ST8SIA4: variants seen among roughly 807,000 people sequenced by gnomAD.
The protein encoded by ST8SIA4 is CMP-N-acetylneuraminate-poly-alpha-2,8-sialyltransferase.
Under a neutral mutation model 33.9 loss-of-function variants are expected in ST8SIA4, and 15 were observed. The ratio of observed to expected loss-of-function variants is 0.44; its 90% CI spans 0.30 to 0.68. ST8SIA4 has a LOEUF of 0.68. Ranked by LOEUF, ST8SIA4 falls within the 30% of genes least tolerant of loss-of-function variation. The pLI is 0.10. For synonymous variants in ST8SIA4, 171 were observed against 151.2 expected (o/e 1.13, Z -0.96); for missense variants, 321 against 428.0 (o/e 0.75, Z 2.21).
intron 4 of ST8SIA4, among the ~76,000 whole-genome samples, chr5:100,819,945 T>G (rs1391940323): frequency 6.6e-6 from 1 of 152,202 alleles, no homozygotes; most frequent in Non-Finnish European, 1.5e-5. Context: ...AATTTATTCT[T>G]GCTGGTATTT....
At position 100,807,423 on chromosome 5, in the gene ST8SIA4, T is replaced by C. The variant is rs952241912; in HGVS notation, c.*4424A>G. ...TGTAAACTCTTTTTTTTTCCTGCTA[T>C]TTACATTTGAAACACTTGTGCTTTT... On this transcript the variant is annotated 3_prime_UTR_variant, in exon 5 of 5. Coordinates refer to ENST00000231461, the MANE Select transcript of ST8SIA4 (RefSeq NM_005668.6). The C allele has an allele frequency of 2.0e-4, 31 of 152,634 alleles. No homozygotes were observed. Among genetic ancestry groups the C allele is most frequent in the Middle Eastern group, 3.4e-3 (1 of 294 alleles). The allele number at this position is 152,634 out of a possible 1,614,324, so 9.5% of individuals were successfully genotyped here.
chr5:100,871,408 G>C (rs1282629318), intron 3 of ST8SIA4, among the ~76,000 whole-genome samples: 1 of 151,828 alleles, frequency 6.6e-6, no homozygotes, highest in Non-Finnish European at 1.5e-5. Flanking sequence ...TATTACCTTA[G>C]TTTTCTGAAG....
rs773074391 is a variant in ST8SIA4, at chr5:100,852,114, C to CTTTTTTTT, written c.797+3981_797+3988dup. On this transcript the variant is annotated intron_variant, in intron 4 of 4. Coordinates refer to ENST00000231461, the MANE Select transcript of ST8SIA4 (RefSeq NM_005668.6). ...TTACTATCTTATTTGCTCCACTCTTCTTTTTTTTTTTTTTTTTTTTTTTTG... is the reference window on the plus strand; with the variant it reads ...TTACTATCTTATTTGCTCCACTCTTCTTTTTTTTTTTTTTTTTTTTTTTTTTTTTTTTG... Among the ~76,000 whole-genome samples, 53 of 83,478 alleles carry CTTTTTTTT rather than the reference C, an allele frequency of 6.3e-4. 1 individual carries two copies. Among genetic ancestry groups the CTTTTTTTT allele is most frequent in the East Asian group, 1.2e-3 (3 of 2,586 alleles). The allele number at this position is 83,478 out of a possible 152,430, so 54.8% of individuals were successfully genotyped here.
In ST8SIA4 at chr5:100,812,082, A is replaced by T; in HGVS notation, c.845T>A (p.Leu282His). The change falls in exon 5 of 5, where the codon CTT becomes CAT. Residue 282 changes from leucine to histidine, a missense_variant. Physicochemically the swap from Leu to His is moderately conservative, Grantham distance 99. Coordinates refer to ENST00000231461, the MANE Select transcript of ST8SIA4 (RefSeq NM_005668.6). ...TCTTGTGGCAAGTGTATACATGAGA[A>T]GACCTGTGCTGGGTCTTTTGATAGG... ...KVPIKRPSTGLLMYTLATRFC... is the reference protein window; with the variant it reads ...KVPIKRPSTGHLMYTLATRFC... The T allele has an allele frequency of 6.2e-7, 1 of 1,614,134 alleles. No homozygotes were observed. Among genetic ancestry groups the T allele is most frequent in the Non-Finnish European group, 8.5e-7 (1 of 1,179,992 alleles).
Position 100,810,033 on chromosome 5 carries a change from T to C in ST8SIA4, c.*1814A>G, listed in dbSNP as rs1750783424. 6.6e-6 allele frequency: 1 copy of C among 152,144 alleles called. No homozygotes were observed. Among genetic ancestry groups the C allele is most frequent in the African/African-American group, 2.4e-5 (1 of 41,416 alleles). 9.4% of individuals were successfully genotyped at this position (152,144 alleles called of 1,614,324 possible). A position where few individuals can be genotyped will look rare whatever the true frequency, so the allele number is the denominator to read the frequency against. ...TGTTTTCCCTAAGAAACAAAACATA[T>C]ATATTCCCCATGCCATTTCTTCTTT... On this transcript the variant is annotated 3_prime_UTR_variant, in exon 5 of 5. Transcript: ENST00000231461.
intron 2 of ST8SIA4, among the ~76,000 whole-genome samples, chr5:100,887,733 A>T (rs1158312894): frequency 6.6e-6 from 1 of 152,008 alleles, no homozygotes; most frequent in Non-Finnish European, 1.5e-5. Flanking sequence ...TCTAATAAAT[A>T]TGTTGTTCTT....
intron 3 of ST8SIA4, among the ~76,000 whole-genome samples, chr5:100,864,822 T>C (rs1395482101): frequency 6.6e-6 from 1 of 152,138 alleles, no homozygotes. Context: ...ATTTTCAAAA[T>C]TGTATCCCAC....
At chr5:100,858,567 C>T (rs1022748651) in intron 3 of ST8SIA4, among the ~76,000 whole-genome samples, 10 of 152,034 alleles carry the variant, frequency 6.6e-5, no homozygotes, top group African/African-American at 2.4e-4. Flanking sequence ...TGCCAATACC[C>T]ACTCTTGATT....
chr5:100,811,655 G>A lies in ST8SIA4; in HGVS notation c.*192C>T, dbSNP rs1312195996. The A allele has an allele frequency of 1.4e-5, 8 of 589,548 alleles. No individual in the cohort carries two copies. The highest frequency in any genetic ancestry group is 2.3e-5 in the Non-Finnish European group (8 of 341,698). 36.5% of individuals were successfully genotyped at this position (589,548 alleles called of 1,614,324 possible). On this transcript the variant is annotated 3_prime_UTR_variant, in exon 5 of 5. Transcript: ENST00000231461. ...AGTGGCACTTACTAGGACCCTTAAA[G>A]TCAAAATATTTAATTTTTAGAGCAC...
chr5:100,863,697 C>T (rs1186128320), intron 3 of ST8SIA4, among the ~76,000 whole-genome samples: 2 of 152,090 alleles, frequency 1.3e-5, no homozygotes, highest in African/African-American at 4.8e-5. Context: ...TAAGAGGATA[C>T]TGAAAGCATT....
At chr5:100,855,571 A>T (rs1216380451) in intron 4 of ST8SIA4, among the ~76,000 whole-genome samples, 1 of 152,068 alleles carries the variant, frequency 6.6e-6, no homozygotes, top group Non-Finnish European at 1.5e-5. Flanking sequence ...CTTTTTTCTG[A>T]ACTTGTGTTA....
rs907709863 is a variant in ST8SIA4 at position 100,866,704 on chromosome 5, T to G, written c.504-10308A>C. 3.3e-5 allele frequency among the ~76,000 whole-genome samples: 5 copies of G among 151,984 alleles called. No homozygotes were observed. In the South Asian group the frequency reaches 1.0e-3, roughly 31 times the overall value. ...ACAATGAAGTAGTACTACAATCATA[T>G]GTACTTTACAGATGAGTAAACTGAA... On this transcript the variant is annotated intron_variant, in intron 3 of 4. Transcript: ENST00000231461.
chr5:100,839,003 T>C (rs546583380), intron 4 of ST8SIA4, among the ~76,000 whole-genome samples: 32 of 146,172 alleles, frequency 2.2e-4, no homozygotes, highest in Non-Finnish European at 4.7e-4. Context: ...TTTTTTTTTC[T>C]TTTTTGTAGA....
rs921467280 is a variant in ST8SIA4 at position 100,886,654 on chromosome 5, T to G, written c.246-54A>C. ...CATTACCATCAGCATATCCAAGAAC[T>G]GATGGTGTCATTTACAAAGTAACTT... is the stretch of plus-strand genomic sequence containing the variant. On this transcript the variant is annotated intron_variant, in intron 2 of 4. Transcript: ENST00000231461. 1.1e-5 allele frequency: 16 copies of G among 1,403,716 alleles called. No individual in the cohort carries two copies. In the African/African-American group the frequency reaches 2.3e-4, roughly 20 times the overall value. 87.0% of individuals were successfully genotyped at this position (1,403,716 alleles called of 1,614,324 possible).
chr5:100,885,981 T>A (rs754635532), intron 3 of ST8SIA4: 7 of 886,816 alleles, frequency 7.9e-6, no homozygotes, highest in Non-Finnish European at 9.6e-6. Flanking sequence ...GTAATATTCA[T>A]AATCTTTATA....
intron 3 of ST8SIA4, among the ~76,000 whole-genome samples, chr5:100,866,889 T>G (rs2112452011): frequency 2.0e-5 from 3 of 152,198 alleles, no homozygotes; most frequent in Middle Eastern, 6.8e-3. Context: ...AATACGTCAT[T>G]AAACTTCATG....
intron 4 of ST8SIA4, among the ~76,000 whole-genome samples, chr5:100,843,875 A>G (rs1160808408): frequency 2.0e-5 from 3 of 151,962 alleles, no homozygotes; most frequent in African/African-American, 7.2e-5. Flanking sequence ...AGAATGAATT[A>G]GCTATCAGTT....
intron 3 of ST8SIA4, among the ~76,000 whole-genome samples, chr5:100,879,331 A>G (rs1367688729): frequency 1.3e-5 from 2 of 152,192 alleles, no homozygotes; most frequent in Non-Finnish European, 2.9e-5. Context: ...ACTCATTTCT[A>G]CATTGCAAAT....
At chr5:100,849,162 A>G in intron 4 of ST8SIA4, 1 of 985,154 alleles carries the variant, frequency 1.0e-6, no homozygotes, top group South Asian at 4.7e-5. Context: ...ATTAAGGACA[A>G]GAGTTTTTTT....
Sources: allele counts gnomAD v4.1 joint callset (sites outside exome capture counted in the v4.1 genomes callset), GRCh38; gene constraint gnomAD v4.1.1; transcripts MANE v1.5; gene names NCBI Gene and HGNC (gene_info 2026-07-23, HGNC 2026-07-21).